COL27A1: variants seen among roughly 807,000 people sequenced by gnomAD.
COL27A1 encodes collagen type XXVII alpha 1 chain, also known as collagen alpha-1(XXVII) chain.
A neutral mutation model predicts 251.3 loss-of-function variants in COL27A1; 106 were observed. That is an observed-to-expected ratio of 0.42 (90% CI 0.36 to 0.50). The LOEUF (loss-of-function observed/expected upper bound fraction) is 0.50. Ranked by LOEUF, COL27A1 falls within the 20% of genes least tolerant of loss-of-function variation. The pLI, the probability that COL27A1 is intolerant of heterozygous loss-of-function variation, is 0.00. For missense variants in COL27A1, 2,325 were observed against 2,522.8 expected (o/e 0.92, Z 1.68); for synonymous variants, 1,000 against 986.3 (o/e 1.01, Z -0.26).
intron 45 of COL27A1, 122 bp from the exon 46 acceptor site, chr9:114,289,936 T>C (rs1461128069): frequency 1.8e-6 from 2 of 1,117,302 alleles, no homozygotes; most frequent in East Asian, 2.4e-5. Flanking sequence ...AGTGCTTGGG[T>C]ACATCTGTGG....
chr9:114,252,702 C>A, intron 26 of COL27A1, 56 bp downstream of exon 26: 1 of 1,521,830 alleles, frequency 6.6e-7, no homozygotes, highest in Non-Finnish European at 9.1e-7. Flanking sequence ...TGAGTGACAG[C>A]TCTGCTCTCC....
rs28459368 is a variant in COL27A1 at position 114,246,182 on chromosome 9, G to A, written c.2979+272G>A. On this transcript the variant is annotated intron_variant, in intron 24 of 60. Transcript: ENST00000356083. ...GGTTTTTGGTGCATTTGCCCAAAGA[G>A]GTTATGTGACTGCTCCCCCAGGACA... The A allele has an allele frequency of 8.7e-3, 3,505 of 402,460 alleles. 112 individuals carry two copies. The highest frequency in any genetic ancestry group is 0.067 in the African/African-American group (3,181 of 47,416). The allele number at this position is 402,460 out of a possible 1,614,324, so 24.9% of individuals were successfully genotyped here. A position where few individuals can be genotyped will look rare whatever the true frequency, so the allele number is the denominator to read the frequency against.
intron 27 of COL27A1, among the ~76,000 whole-genome samples, chr9:114,257,566 G>A (rs1299749854): frequency 6.6e-6 from 1 of 151,748 alleles, no homozygotes; most frequent in Non-Finnish European, 1.5e-5. Flanking sequence ...TGTCTCTCTT[G>A]CCCCTCTTGT....
In COL27A1 at chr9:114,250,656, C is replaced by T. The variant is rs147244291; in HGVS notation, c.3021C>T (p.Ile1007=). 4 of 1,611,590 alleles carry T rather than the reference C, an allele frequency of 2.5e-6. No individual in the cohort carries two copies. Among genetic ancestry groups the T allele is most frequent in the South Asian group, 1.1e-5 (1 of 91,060 alleles). Reference sequence around the variant, plus strand: ...TTGGTCTGGTCGGGGAGCCAGGAATCGTGGGAGAAAAGGTAAGTGGTGTTG... The same window carrying T: ...TTGGTCTGGTCGGGGAGCCAGGAATTGTGGGAGAAAAGGTAAGTGGTGTTG... ...GFIGLVGEPG[I]VGEKGDRGMM... Residue 1007 remains isoleucine, a synonymous_variant, in exon 25 of 61, where the codon ATC becomes ATT. Transcript: ENST00000356083.
rs201515085 is a variant in COL27A1, at chr9:114,266,590, T to C, written c.3419T>C (p.Ile1140Thr). Residue 1140 changes from isoleucine to threonine, a missense_variant, in exon 33 of 61, where the codon ATT (isoleucine) becomes ACT (threonine). Around this residue, in one of 4 missense-constraint regions of COL27A1, gnomAD observed 662 missense variants for 795.3 expected, o/e 0.83. Transcript: ENST00000356083. ...EPGPQGPQGP[I>T]GPPGEMGPKG... is the part of the protein sequence containing the mutation. Reference sequence around the variant, plus strand: ...GGCCCTCAGGGACCCCAGGGGCCAATTGGGCCTCCAGGAGAGATGGGACCC... The same window carrying C: ...GGCCCTCAGGGACCCCAGGGGCCAACTGGGCCTCCAGGAGAGATGGGACCC... 17 of 1,613,776 alleles carry C rather than the reference T, an allele frequency of 1.1e-5. No individual in the cohort carries two copies. Among genetic ancestry groups the C allele is most frequent in the Middle Eastern group, 3.3e-4 (2 of 6,058 alleles).
intron 49 of COL27A1, among the ~76,000 whole-genome samples, chr9:114,295,356 A>G (rs956434027): frequency 6.6e-6 from 1 of 152,234 alleles, no homozygotes; most frequent in African/African-American, 2.4e-5. Context: ...TAAGATGTCA[A>G]ATTTCTTCAA....
intron 12 of COL27A1, among the ~76,000 whole-genome samples, chr9:114,213,321 C>G (rs1040582980): frequency 1.3e-5 from 2 of 152,190 alleles, no homozygotes; most frequent in Non-Finnish European, 2.9e-5. Context: ...ATCTCCCCTC[C>G]TGGCGGCCCC....
chr9:114,227,995 G>A lies in COL27A1; in HGVS notation c.2467-3084G>A, dbSNP rs1340158408. ...CAACACAGGGGGACCTGTCCTATGC[G>A]AGCTGGCACCTTCTCCGGGTGTGGC... On this transcript the variant is annotated intron_variant, in intron 14 of 60. Coordinates refer to ENST00000356083, the MANE Select transcript of COL27A1 (RefSeq NM_032888.4). 2.0e-5 allele frequency among the ~76,000 whole-genome samples: 3 copies of A among 152,122 alleles called. No individual in the cohort carries two copies. The East Asian group carries it at 5.8e-4, about 29-fold the overall frequency.
chr9:114,191,598 A>T (rs1011644662), intron 5 of COL27A1, among the ~76,000 whole-genome samples: 49 of 152,162 alleles, frequency 3.2e-4, no homozygotes, highest in Admixed American at 3.3e-4. Context: ...ACGTGATCTC[A>T]TTCCTTTTTA....
chr9:114,264,873 AC>A, intron 29 of COL27A1, 50 bp from the exon 30 acceptor site: 2 of 1,566,398 alleles, frequency 1.3e-6, no homozygotes, highest in Non-Finnish European at 1.7e-6. Context: ...TTTTTGGGGA[AC>A]GGTCCTCCCA....
intron 45 of COL27A1, among the ~76,000 whole-genome samples, 161 bp from the exon 46 acceptor site, chr9:114,289,897 C>T (rs1392681857): frequency 6.6e-6 from 1 of 152,172 alleles, no homozygotes; most frequent in Admixed American, 6.5e-5. Flanking sequence ...GGTTCCAAGG[C>T]CAGCTCTGGC....
chr9:114,237,793 T>C, intron 19 of COL27A1, 78 bp downstream of exon 19: 1 of 1,218,006 alleles, frequency 8.2e-7, no homozygotes. Flanking sequence ...GGCCCAGGGA[T>C]GGGGAAAGAC....
In COL27A1 at chr9:114,242,169, C is replaced by G; in HGVS notation, c.2836-18C>G. On this transcript the variant is annotated intron_variant, in intron 21 of 60. Coordinates refer to ENST00000356083, the MANE Select transcript of COL27A1 (RefSeq NM_032888.4). ...TTAACTTTCTCCTTTTTTCCTCTCT[C>G]GTGTCTCCCAATTCTAGGGAGATGA... 1 of 1,588,674 alleles carries G rather than the reference C, an allele frequency of 6.3e-7. No individual in the cohort carries two copies. Among genetic ancestry groups the G allele is most frequent in the Non-Finnish European group, 8.5e-7 (1 of 1,171,082 alleles).
At chr9:114,287,971 C>T (rs755013445) in intron 41 of COL27A1, among the ~76,000 whole-genome samples, 3 of 152,200 alleles carry the variant, frequency 2.0e-5, no homozygotes, top group South Asian at 2.1e-4. Context: ...AGTGCCCATG[C>T]GTGCCAGCTG....
At chr9:114,193,272 T>A (rs942551174) in intron 5 of COL27A1, among the ~76,000 whole-genome samples, 2 of 152,042 alleles carry the variant, frequency 1.3e-5, no homozygotes, top group African/African-American at 4.8e-5. Flanking sequence ...TCTGATCAGG[T>A]TTGGCCAAAG....
intron 17 of COL27A1, 129 bp from the exon 18 acceptor site, chr9:114,236,848 AAAGG>A: frequency 3.9e-6 from 3 of 776,752 alleles, no homozygotes; most frequent in Non-Finnish European, 4.4e-6. Context: ...CACAGCAGGG[AAAGG>A]AAGGAAGGAG....
At chr9:114,302,197 G>A (rs1828698058) in intron 56 of COL27A1, 89 bp downstream of exon 56, 4 of 1,123,424 alleles carry the variant, frequency 3.6e-6, no homozygotes, top group East Asian at 2.3e-5. Flanking sequence ...GGCCCTGGTG[G>A]CTAGAGCCCT....
At chr9:114,195,566 T>C (rs2135247037) in intron 6 of COL27A1, among the ~76,000 whole-genome samples, 1 of 152,338 alleles carries the variant, frequency 6.6e-6, no homozygotes, top group East Asian at 1.9e-4. Context: ...TGCCCCCTGC[T>C]TGGCCAGTGG....
intron 37 of COL27A1, among the ~76,000 whole-genome samples, chr9:114,280,801 T>A (rs1835854110): frequency 6.6e-6 from 1 of 152,216 alleles, no homozygotes; most frequent in African/African-American, 2.4e-5. Flanking sequence ...GATAGCGTCA[T>A]CTTTTCTGGC....
Sources: allele counts gnomAD v4.1 joint callset (sites outside exome capture counted in the v4.1 genomes callset), GRCh38; gene constraint gnomAD v4.1.1; regional missense constraint gnomAD v4.1.1; transcripts MANE v1.5; gene names NCBI Gene and HGNC (gene_info 2026-07-23, HGNC 2026-07-21).